The following SLC24A3 variants were observed in gnomAD, a reference collection of about 807,000 sequenced individuals.
The protein encoded by SLC24A3 is sodium/potassium/calcium exchanger 3.
Under a neutral mutation model 75.8 loss-of-function variants are expected in SLC24A3, and 28 were observed. That is an observed-to-expected ratio of 0.37 (90% CI 0.27 to 0.51). The LOEUF is 0.51. SLC24A3 is among the 20% of genes least tolerant of loss of function. The pLI, the probability that SLC24A3 is intolerant of heterozygous loss-of-function variation, is 0.94. For synonymous variants in SLC24A3, 372 were observed against 334.1 expected (o/e 1.11, Z -1.24); for missense variants, 663 against 847.8 (o/e 0.78, Z 2.71).
At chr20:19,353,657 T>C (rs1985620057) in intron 2 of SLC24A3, among the ~76,000 whole-genome samples, 1 of 152,322 alleles carries the variant, frequency 6.6e-6, no homozygotes, top group Non-Finnish European at 1.5e-5. Context: ...CAAGCACCTC[T>C]CCTGAGCAGA....
chr20:19,627,913 C>T (rs1475519699), intron 6 of SLC24A3, among the ~76,000 whole-genome samples: 1 of 151,940 alleles, frequency 6.6e-6, no homozygotes, highest in African/African-American at 2.4e-5. Flanking sequence ...AGAAAATACC[C>T]TCAGCTGGGA....
intron 6 of SLC24A3, among the ~76,000 whole-genome samples, chr20:19,590,907 G>C (rs910808163): frequency 5.9e-5 from 9 of 152,224 alleles, no homozygotes; most frequent in African/African-American, 1.2e-4. Flanking sequence ...CCCTGGATGA[G>C]AGGCAGCCTC....
intron 12 of SLC24A3, among the ~76,000 whole-genome samples, chr20:19,689,306 T>C (rs1568699057): frequency 6.6e-6 from 1 of 152,236 alleles, no homozygotes; most frequent in Non-Finnish European, 1.5e-5. Context: ...CTCTCTTTGA[T>C]AGAATTCAGC....
At chr20:19,414,517 A>G (rs903110834) in intron 2 of SLC24A3, among the ~76,000 whole-genome samples, 1 of 152,218 alleles carries the variant, frequency 6.6e-6, no homozygotes, top group Non-Finnish European at 1.5e-5. Flanking sequence ...AAAAACTTTT[A>G]AGATATAACA....
chr20:19,607,457 C>T (rs1285280549), intron 6 of SLC24A3, among the ~76,000 whole-genome samples: 2 of 152,164 alleles, frequency 1.3e-5, no homozygotes, highest in Non-Finnish European at 2.9e-5. Flanking sequence ...CAGATCTTTC[C>T]AGCCCGGGCC....
At chr20:19,370,113 TA>T (rs66505084) in intron 2 of SLC24A3, among the ~76,000 whole-genome samples, 10,984 of 151,650 alleles carry the variant, frequency 0.072, 1,261 homozygotes, top group African/African-American at 0.25. Flanking sequence ...ATTAAATTCT[TA>T]AAAAAAAAGA....
chr20:19,715,736 T>C (rs986097817), intron 15 of SLC24A3, among the ~76,000 whole-genome samples: 1 of 152,096 alleles, frequency 6.6e-6, no homozygotes, highest in Non-Finnish European at 1.5e-5. Context: ...TGCCAAGAGG[T>C]ACCTTAAACC....
chr20:19,238,182 C>A (rs944177701), intron 1 of SLC24A3, among the ~76,000 whole-genome samples: 1 of 152,186 alleles, frequency 6.6e-6, no homozygotes, highest in African/African-American at 2.4e-5. Flanking sequence ...TCACCCCCCA[C>A]AAGAGTGACC....
intron 7 of SLC24A3, among the ~76,000 whole-genome samples, chr20:19,663,756 C>T (rs1050509854): frequency 2.6e-5 from 4 of 151,998 alleles, no homozygotes; most frequent in East Asian, 2.0e-4. Flanking sequence ...CAATCTCACC[C>T]GGATTTGCCC....
chr20:19,397,657 T>C (rs1300322243), intron 2 of SLC24A3, among the ~76,000 whole-genome samples: 1 of 149,508 alleles, frequency 6.7e-6, no homozygotes, highest in East Asian at 1.9e-4. Context: ...CTTTTTTTTT[T>C]TTTTTTTTTT....
chr20:19,212,955 G>C lies in SLC24A3; in HGVS notation c.113G>C (p.Trp38Ser). 1 of 1,322,520 alleles carries C rather than the reference G, an allele frequency of 7.6e-7. No homozygotes were observed. Among genetic ancestry groups the C allele is most frequent in the Non-Finnish European group, 9.7e-7 (1 of 1,033,550 alleles). The allele number at this position is 1,322,520 out of a possible 1,614,324, so 81.9% of individuals were successfully genotyped here. Reference sequence around the variant, plus strand: ...CTGGCCTCGGTGGCGCTGCTGCTCTGGTCGCTGTCGAGCCTGCGAGAGCAG... The same window carrying C: ...CTGGCCTCGGTGGCGCTGCTGCTCTCGTCGCTGTCGAGCCTGCGAGAGCAG... The part of the protein sequence containing the change: ...CFLASVALLL[W>S]SLSSLREQKE... The change falls in exon 1 of 17, where the codon TGG becomes TCG. Residue 38 changes from tryptophan (W) to serine (S), a missense_variant. This residue lies in a region of SLC24A3 where 153 missense variants were observed against 144.2 expected (regional missense o/e 1.06). Coordinates refer to ENST00000328041, the MANE Select transcript of SLC24A3 (RefSeq NM_020689.4).
intron 8 of SLC24A3, among the ~76,000 whole-genome samples, chr20:19,673,108 G>A (rs1220204350): frequency 6.6e-6 from 1 of 151,932 alleles, no homozygotes; most frequent in Non-Finnish European, 1.5e-5. Context: ...CTTACTCTTC[G>A]ACTGGTACCT....
At chr20:19,363,269 T>G (rs1985825714) in intron 2 of SLC24A3, among the ~76,000 whole-genome samples, 1 of 152,204 alleles carries the variant, frequency 6.6e-6, no homozygotes, top group Admixed American at 6.5e-5. Context: ...TTCCCCTTTT[T>G]TGGCCAAAGC....
intron 2 of SLC24A3, among the ~76,000 whole-genome samples, chr20:19,330,035 C>T (rs1432288680): frequency 2.0e-5 from 3 of 152,172 alleles, no homozygotes; most frequent in Admixed American, 1.3e-4. Context: ...AGAAGGGCTC[C>T]TTAACACACA....
intron 15 of SLC24A3, among the ~76,000 whole-genome samples, chr20:19,714,405 TAAA>T (rs1176209950): frequency 5.9e-5 from 3 of 50,782 alleles, no homozygotes; most frequent in African/African-American, 1.5e-4. Context: ...ACCCAGTCTC[TAAA>T]AAAAAAAAAA....
rs566861593 is a variant in SLC24A3 at position 19,616,071 on chromosome 20, G to A, written c.612+30527G>A. 3.9e-5 allele frequency among the ~76,000 whole-genome samples: 6 copies of A among 152,332 alleles called. No homozygotes were observed. The East Asian group carries it at 1.2e-3, about 29-fold the overall frequency. Reference sequence around the variant, plus strand: ...GACCCCTAACTAATACAATGCCTGTGAAAGGAAAGGAGAGGAAGATGAAGT... The same window carrying A: ...GACCCCTAACTAATACAATGCCTGTAAAAGGAAAGGAGAGGAAGATGAAGT... On this transcript the variant is annotated intron_variant, in intron 6 of 16. Coordinates refer to ENST00000328041, the MANE Select transcript of SLC24A3 (RefSeq NM_020689.4).
At chr20:19,407,930 T>A (rs1040638659) in intron 2 of SLC24A3, among the ~76,000 whole-genome samples, 1 of 152,232 alleles carries the variant, frequency 6.6e-6, no homozygotes, top group South Asian at 2.1e-4. Flanking sequence ...GCTGCTACAG[T>A]TCTAAGGAAA....
At chr20:19,589,654 T>G (rs1489584207) in intron 6 of SLC24A3, among the ~76,000 whole-genome samples, 2 of 152,170 alleles carry the variant, frequency 1.3e-5, no homozygotes, top group African/African-American at 4.8e-5. Context: ...CTATAAAGTG[T>G]CTAGGGCCAG....
At chr20:19,704,361 T>C (rs1048824514) in intron 15 of SLC24A3, among the ~76,000 whole-genome samples, 1 of 152,192 alleles carries the variant, frequency 6.6e-6, no homozygotes, top group Non-Finnish European at 1.5e-5. Context: ...ATTCGCATGG[T>C]CTCATCTAAT....
Sources: allele counts gnomAD v4.1 joint callset (sites outside exome capture counted in the v4.1 genomes callset), GRCh38; gene constraint gnomAD v4.1.1; regional missense constraint gnomAD v4.1.1; transcripts MANE v1.5; gene names NCBI Gene and HGNC (gene_info 2026-07-23, HGNC 2026-07-21).